The following RFESD variants were observed in gnomAD, a reference collection of about 807,000 sequenced individuals.
RFESD encodes the protein Rieske Fe-S domain containing, also known as Rieske domain-containing protein.
Under a neutral mutation model 24.4 loss-of-function variants are expected in RFESD, and 16 were observed. That is an observed-to-expected ratio of 0.66 (90% CI 0.44 to 1.00). The LOEUF (loss-of-function observed/expected upper bound fraction) is 1.00, where lower values mean the gene tolerates loss of function less well. Among genes scored for constraint, RFESD ranks in the 50% least tolerant of loss-of-function variants. RFESD has a pLI of 0.00. For missense variants in RFESD, 208 were observed against 247.0 expected (o/e 0.84, Z 1.06); for synonymous variants, 59 against 81.8 (o/e 0.72, Z 1.50).
At position 95,656,964 on chromosome 5, in the gene RFESD, A is replaced by G. The variant is rs1580272599; in HGVS notation, c.*655A>G. On this transcript the variant is annotated 3_prime_UTR_variant, in exon 6 of 6. Transcript: ENST00000380005. The stretch of plus-strand genomic sequence containing the variant: ...AAAAATGAGATAGGTTTACCTGCTG[A>G]ACTTGAAAATAAGAAACTTAACCAC... 1 of 152,208 alleles carries G rather than the reference A, an allele frequency of 6.6e-6. No individual in the cohort carries two copies. Among genetic ancestry groups the G allele is most frequent in the East Asian group, 1.9e-4 (1 of 5,196 alleles). The allele number at this position is 152,208 out of a possible 1,614,324, so 9.4% of individuals were successfully genotyped here.
chr5:95,654,272 C>G (rs1326011214), intron 4 of RFESD, 36 bp downstream of exon 4: 1 of 1,608,158 alleles, frequency 6.2e-7, no homozygotes, highest in Non-Finnish European at 8.5e-7. Flanking sequence ...AACTTTAAAC[C>G]ATGAAACTAT....
chr5:95,656,209 AC>A lies in RFESD; in HGVS notation c.534del (p.Asp178GlufsTer7), dbSNP rs1313835414. On this transcript the variant is annotated frameshift_variant, in exon 6 of 6. Coordinates refer to ENST00000380005, the MANE Select transcript of RFESD (RefSeq NM_001131066.2). LOFTEE classifies it high-confidence loss of function. ...CAAAGGATTCACACAGTGACAGTAGACAACGGAAATATTTATGTGACTCTTT... is the reference window on the plus strand; with the variant it reads ...CAAAGGATTCACACAGTGACAGTAGAAACGGAAATATTTATGTGACTCTTT... ...IKQRIHTVTV[D>X]NGNIYVTLSN... 6.2e-7 allele frequency: 1 copy of A among 1,614,038 alleles called. No individual in the cohort carries two copies. The highest frequency in any genetic ancestry group is 8.5e-7 in the Non-Finnish European group (1 of 1,179,892).
chr5:95,652,952 A>T, intron 2 of RFESD, 165 bp from the exon 3 acceptor site: 1 of 889,282 alleles, frequency 1.1e-6, no homozygotes, highest in Non-Finnish European at 1.6e-6. Context: ...CCTGCTTTAT[A>T]CTCTTCAGTG....
At position 95,653,105 on chromosome 5, in the gene RFESD, C is replaced by T. The variant is rs188856372; in HGVS notation, c.61-12C>T. On this transcript the variant is annotated splice_polypyrimidine_tract_variant and intron_variant, in intron 2 of 5. Coordinates refer to ENST00000380005, the MANE Select transcript of RFESD (RefSeq NM_001131066.2). ...TCTTTCCTTCAGGCTTTTGTATTTGCTCTTCTTTCAGTATGGAATTCTCTT... is the reference window on the plus strand; with the variant it reads ...TCTTTCCTTCAGGCTTTTGTATTTGTTCTTCTTTCAGTATGGAATTCTCTT... 3,607 of 1,551,270 alleles carry T rather than the reference C, an allele frequency of 2.3e-3. 15 individuals are homozygous for T. The highest frequency in any genetic ancestry group is 2.5e-3 in the Non-Finnish European group (2,907 of 1,146,906).
At position 95,656,053 on chromosome 5, in the gene RFESD, A is replaced by G. The variant is rs767195650; in HGVS notation, c.377A>G (p.Asp126Gly). Residue 126 changes from aspartate (D) to glycine (G), a missense_variant, in exon 6 of 6, where the codon GAT becomes GGT. Physicochemically the swap from Asp to Gly is moderately conservative, Grantham distance 94. Transcript: ENST00000380005. ...AGTTATTCTCTTCCCCAGGATTTTGATGGACGACCGTGTATAGTTTGCCCC... is the reference window on the plus strand; with the variant it reads ...AGTTATTCTCTTCCCCAGGATTTTGGTGGACGACCGTGTATAGTTTGCCCC... ...PLHLGDIEDF[D>G]GRPCIVCPWH... 1.2e-6 allele frequency: 2 copies of G among 1,612,246 alleles called. No individual in the cohort carries two copies. Among genetic ancestry groups the G allele is most frequent in the South Asian group, 1.1e-5 (1 of 90,738 alleles).
chr5:95,651,880 G>A (rs1309160682), intron 1 of RFESD, among the ~76,000 whole-genome samples: 2 of 152,102 alleles, frequency 1.3e-5, no homozygotes, highest in African/African-American at 4.8e-5. Flanking sequence ...GAGTAGTAAT[G>A]GTTATATTCT....
intron 1 of RFESD, chr5:95,647,762 C>G (rs980313226): frequency 2.0e-5 from 3 of 151,994 alleles, no homozygotes; most frequent in Non-Finnish European, 4.4e-5. Flanking sequence ...AGTTTACTTG[C>G]AAGCCTCATG....
intron 2 of RFESD, chr5:95,652,842 C>T: frequency 2.5e-6 from 1 of 397,496 alleles, no homozygotes; most frequent in Non-Finnish European, 4.4e-6. Flanking sequence ...TTTCATGGAC[C>T]CCTAGCTTTC....
chr5:95,656,075 C>T lies in RFESD; in HGVS notation c.399C>T (p.Cys133=), dbSNP rs758546031. 4.3e-6 allele frequency: 7 copies of T among 1,613,362 alleles called. No individual in the cohort carries two copies. In the Admixed American group the frequency reaches 5.0e-5, roughly 12 times the overall value. ...TTGATGGACGACCGTGTATAGTTTG[C>T]CCCTGGCATAAATACAAAATTACTT... ...EDFDGRPCIV[C]PWHKYKITLA... Residue 133 remains cysteine (C), a synonymous_variant, in exon 6 of 6, where the codon TGC becomes TGT. Coordinates refer to ENST00000380005, the MANE Select transcript of RFESD (RefSeq NM_001131066.2).
In RFESD at chr5:95,656,414, CTG is replaced by C; in HGVS notation, c.*107_*108del. 1 of 838,448 alleles carries C rather than the reference CTG, an allele frequency of 1.2e-6. No individual in the cohort carries two copies. Among genetic ancestry groups the C allele is most frequent in the Non-Finnish European group, 1.8e-6 (1 of 543,086 alleles). The allele number at this position is 838,448 out of a possible 1,614,324, so 51.9% of individuals were successfully genotyped here. ...ATGAAATTTTTCAACATAGGCACAA[CTG>C]TTTAAAATTCACATACATTTGAGAG... is the stretch of plus-strand genomic sequence containing the variant. On this transcript the variant is annotated 3_prime_UTR_variant, in exon 6 of 6. Transcript: ENST00000380005.
At position 95,653,157 on chromosome 5, in the gene RFESD, A is replaced by G. The variant is rs1750463753; in HGVS notation, c.101A>G (p.His34Arg). The G allele has an allele frequency of 4.5e-6, 7 of 1,551,512 alleles. No homozygotes were observed. The highest frequency in any genetic ancestry group is 6.1e-6 in the Non-Finnish European group (7 of 1,146,978). Residue 34 changes from histidine (H) to arginine (R), a missense_variant, in exon 3 of 6, where the codon CAT becomes CGT. By Grantham distance (29) the His-to-Arg change is conservative. Transcript: ENST00000380005. ...LFPKLLACLV[H>R]LHFGHFSSAV... The stretch of plus-strand genomic sequence containing the variant: ...CCCAAGCTGTTGGCATGTCTAGTTC[A>G]TTTGCATTTTGGGCATTTCAGCTCA...
In RFESD at chr5:95,654,198, A is replaced by G. The variant is rs761204093; in HGVS notation, c.296A>G (p.His99Arg). The G allele has an allele frequency of 9.9e-6, 16 of 1,613,126 alleles. No individual in the cohort carries two copies. Among genetic ancestry groups the G allele is most frequent in the Non-Finnish European group, 1.3e-5 (15 of 1,179,740 alleles). The change falls in exon 4 of 6, where the codon CAC (histidine) becomes CGC (arginine). Residue 99 changes from histidine (H) to arginine (R), a missense_variant. Coordinates refer to ENST00000380005, the MANE Select transcript of RFESD (RefSeq NM_001131066.2). ...GATAGAGAAGTGGTCATTTTCTACC[A>G]CAAGGGAGAATATCATGCTATGGAT... is the stretch of plus-strand genomic sequence containing the variant. The part of the protein sequence containing the change: ...VHDREVVIFY[H>R]KGEYHAMDIR...
chr5:95,653,716 C>T (rs1308354048), intron 3 of RFESD, among the ~76,000 whole-genome samples: 1 of 152,096 alleles, frequency 6.6e-6, no homozygotes, highest in African/African-American at 2.4e-5. Context: ...CTGGCCAACA[C>T]AGAGAAACCT....
rs1357436507 is a variant in RFESD at position 95,654,155 on chromosome 5, A to G, written c.253A>G (p.Met85Val). The G allele has an allele frequency of 1.3e-5, 21 of 1,612,574 alleles. No homozygotes were observed. Among genetic ancestry groups the G allele is most frequent in the Admixed American group, 1.7e-5 (1 of 60,024 alleles). Residue 85 changes from methionine (M) to valine (V), a missense_variant, in exon 4 of 6, where the codon ATG becomes GTG. Transcript: ENST00000380005. ...REDDIKKSER[M>V]TAVVHDREVV... is the part of the protein sequence containing the mutation. ...AGATGACATTAAAAAATCTGAAAGA[A>G]TGACAGCTGTTGTCCATGATAGAGA...
At position 95,656,553 on chromosome 5, in the gene RFESD, A is replaced by T. The variant is rs1316442399; in HGVS notation, c.*244A>T. The T allele has an allele frequency of 2.9e-6, 1 of 339,186 alleles. No individual in the cohort carries two copies. The highest frequency in any genetic ancestry group is 5.3e-6 in the Non-Finnish European group (1 of 189,018). 21.0% of individuals were successfully genotyped at this position (339,186 alleles called of 1,614,324 possible). Reference sequence around the variant, plus strand: ...GAAACCTGAAGGTTATAGGTTTGGGATGTTCTGTTTAAGAAGGATAAAAAT... The same window carrying T: ...GAAACCTGAAGGTTATAGGTTTGGGTTGTTCTGTTTAAGAAGGATAAAAAT... On this transcript the variant is annotated 3_prime_UTR_variant, in exon 6 of 6. Coordinates refer to ENST00000380005, the MANE Select transcript of RFESD (RefSeq NM_001131066.2).
chr5:95,651,853 G>A (rs999213260), intron 1 of RFESD, among the ~76,000 whole-genome samples: 1 of 152,146 alleles, frequency 6.6e-6, no homozygotes, highest in Non-Finnish European at 1.5e-5. Flanking sequence ...ACAAACTTTA[G>A]AAATACAGGG....
rs754751326 is a variant in RFESD at position 95,653,085 on chromosome 5, C to T, written c.61-32C>T. Reference sequence around the variant, plus strand: ...AACACATTCACCAAGACTTTTCTTTCCTTCAGGCTTTTGTATTTGCTCTTC... The same window carrying T: ...AACACATTCACCAAGACTTTTCTTTTCTTCAGGCTTTTGTATTTGCTCTTC... On this transcript the variant is annotated intron_variant, in intron 2 of 5. Transcript: ENST00000380005. 51 of 1,549,828 alleles carry T rather than the reference C, an allele frequency of 3.3e-5. 1 individual carries two copies. The South Asian group carries it at 6.1e-4, about 19-fold the overall frequency.
intron 1 of RFESD, 64 bp from the exon 2 acceptor site, chr5:95,652,073 T>C (rs1170225000): frequency 2.0e-6 from 1 of 500,614 alleles, no homozygotes; most frequent in Non-Finnish European, 3.4e-6. Context: ...ATTTATTGTT[T>C]AGTACACAGA....
intron 3 of RFESD, among the ~76,000 whole-genome samples, 165 bp downstream of exon 3, chr5:95,653,379 G>T (rs1423146083): frequency 6.6e-6 from 1 of 152,254 alleles, no homozygotes; most frequent in South Asian, 2.1e-4. Context: ...GCTTTCAGCA[G>T]AAGGCTGAAA....
Sources: allele counts gnomAD v4.1 joint callset (sites outside exome capture counted in the v4.1 genomes callset), GRCh38; gene constraint gnomAD v4.1.1; transcripts MANE v1.5; gene names NCBI Gene and HGNC (gene_info 2026-07-23, HGNC 2026-07-21).